The following CADM2 variants were observed in gnomAD, a reference collection of about 807,000 sequenced individuals.
CADM2 encodes immunoglobulin superfamily member 4D.
A neutral mutation model predicts 49.8 loss-of-function variants in CADM2; 12 were observed. That is an observed-to-expected ratio of 0.24 (90% confidence interval 0.15 to 0.39). CADM2 has a LOEUF of 0.39. CADM2 is among the 10% of genes least tolerant of loss of function. The pLI, the probability that CADM2 is intolerant of heterozygous loss-of-function variation, is 1.00. For missense variants in CADM2, 378 were observed against 492.3 expected (o/e 0.77, Z 2.20); for synonymous variants, 214 against 175.4 (o/e 1.22, Z -1.74).
chr3:85,194,768 T>C (rs1358335409), intron 1 of CADM2, among the ~76,000 whole-genome samples: 2 of 151,356 alleles, frequency 1.3e-5, no homozygotes, highest in African/African-American at 2.5e-5. Context: ...CATTCTTACA[T>C]AGATTAAGAA....
intron 1 of CADM2, among the ~76,000 whole-genome samples, chr3:85,716,564 C>T (rs1213051050): frequency 6.6e-6 from 1 of 152,184 alleles, no homozygotes; most frequent in Non-Finnish European, 1.5e-5. Flanking sequence ...GTGTTTTAAT[C>T]ATGAAGTCTT....
intron 1 of CADM2, among the ~76,000 whole-genome samples, chr3:85,608,239 CAT>C (rs1193526876): frequency 6.6e-6 from 1 of 152,074 alleles, no homozygotes; most frequent in African/African-American, 2.4e-5. Context: ...CATATACACT[CAT>C]GTGTTGCAAA....
At chr3:85,110,874 C>A (rs961697362) in intron 1 of CADM2, among the ~76,000 whole-genome samples, 1 of 151,772 alleles carries the variant, frequency 6.6e-6, no homozygotes, top group Non-Finnish European at 1.5e-5. Context: ...CAATCCACAG[C>A]CAAGATTTGT....
chr3:85,261,945 C>T (rs1477167885), intron 1 of CADM2, among the ~76,000 whole-genome samples: 6 of 152,154 alleles, frequency 3.9e-5, no homozygotes, highest in Admixed American at 6.6e-5. Context: ...ATTTTGAAGA[C>T]AATAATCATG....
chr3:85,226,753 T>C (rs2042172045), intron 1 of CADM2, among the ~76,000 whole-genome samples: 1 of 152,200 alleles, frequency 6.6e-6, no homozygotes, highest in Non-Finnish European at 1.5e-5. Flanking sequence ...CTGCTTTATC[T>C]TGTGGGCATT....
At chr3:86,016,557 G>A (rs1228897566) in intron 8 of CADM2, among the ~76,000 whole-genome samples, 57 of 151,940 alleles carry the variant, frequency 3.8e-4, no homozygotes, top group Admixed American at 3.7e-3. Context: ...TTTCCTTTAG[G>A]AAAAAGCTAG....
At chr3:85,371,866 T>C (rs1458147976) in intron 1 of CADM2, among the ~76,000 whole-genome samples, 1 of 151,402 alleles carries the variant, frequency 6.6e-6, no homozygotes, top group East Asian at 1.9e-4. Context: ...GTATGAGTTA[T>C]GGAGTCCTGG....
intron 2 of CADM2, among the ~76,000 whole-genome samples, chr3:85,757,538 C>T (rs1238990422): frequency 6.6e-6 from 1 of 151,642 alleles, no homozygotes; most frequent in Non-Finnish European, 1.5e-5. Context: ...TGAGATGGAG[C>T]ATTTAAAAAA....
chr3:85,673,542 G>C (rs1577062290), intron 1 of CADM2, among the ~76,000 whole-genome samples: 1 of 150,732 alleles, frequency 6.6e-6, no homozygotes, highest in East Asian at 2.0e-4. Flanking sequence ...TTTTATTTAA[G>C]GGGAAGTACC....
intron 3 of CADM2, among the ~76,000 whole-genome samples, chr3:85,859,374 G>C (rs562892642): frequency 6.6e-6 from 1 of 151,846 alleles, no homozygotes; most frequent in South Asian, 2.1e-4. Context: ...AGGACTACAG[G>C]CATGCGTCAC....
At chr3:85,156,645 A>G (rs2040134112) in intron 1 of CADM2, among the ~76,000 whole-genome samples, 2 of 151,958 alleles carry the variant, frequency 1.3e-5, no homozygotes, top group Admixed American at 6.6e-5. Context: ...AGCATCCTTC[A>G]TGCTAAAAAC....
chr3:85,138,049 A>T (rs2039468621), intron 1 of CADM2, among the ~76,000 whole-genome samples: 1 of 152,190 alleles, frequency 6.6e-6, no homozygotes, highest in Admixed American at 6.5e-5. Context: ...CTAATCAGAA[A>T]AAAACAAGAT....
At chr3:85,196,536 G>C (rs1417576381) in intron 1 of CADM2, among the ~76,000 whole-genome samples, 2 of 151,920 alleles carry the variant, frequency 1.3e-5, no homozygotes, top group Non-Finnish European at 2.9e-5. Context: ...GGAGGACATG[G>C]AAAAGTTATA....
At chr3:85,176,093 G>A (rs1054559929) in intron 1 of CADM2, among the ~76,000 whole-genome samples, 2 of 151,950 alleles carry the variant, frequency 1.3e-5, no homozygotes, top group African/African-American at 2.4e-5. Flanking sequence ...GAGGGAAATG[G>A]TCAAGAGGAG....
intron 7 of CADM2, among the ~76,000 whole-genome samples, chr3:85,937,000 T>G (rs1377963332): frequency 6.6e-6 from 1 of 151,880 alleles, no homozygotes; most frequent in African/African-American, 2.4e-5. Context: ...AAGGTGAAGT[T>G]AGGGAATATG....
intron 1 of CADM2, among the ~76,000 whole-genome samples, chr3:85,030,958 G>A (rs1014491539): frequency 1.3e-5 from 2 of 152,184 alleles, no homozygotes; most frequent in East Asian, 1.9e-4. Context: ...GAGAGGTGGG[G>A]ACGATGTAAG....
At chr3:84,989,037 A>T (rs541428760) in intron 1 of CADM2, among the ~76,000 whole-genome samples, 1 of 152,212 alleles carries the variant, frequency 6.6e-6, no homozygotes, top group Non-Finnish European at 1.5e-5. Context: ...TTAAGGTGCC[A>T]TTCATGGCTG....
At chr3:85,112,134 T>A (rs919069892) in intron 1 of CADM2, among the ~76,000 whole-genome samples, 4 of 151,920 alleles carry the variant, frequency 2.6e-5, no homozygotes, top group African/African-American at 9.7e-5. Context: ...AAAAGTGTTG[T>A]TGATGGAAAC....
intron 1 of CADM2, among the ~76,000 whole-genome samples, chr3:85,607,588 A>G (rs1449787631): frequency 6.6e-6 from 1 of 152,134 alleles, no homozygotes; most frequent in Non-Finnish European, 1.5e-5. Flanking sequence ...TGATTATTAC[A>G]CATTATATGT....
Sources: gnomAD v4.1 joint callset for allele counts (sites outside exome capture counted in the v4.1 genomes callset) on GRCh38, gnomAD v4.1.1 for gene constraint, MANE v1.5 for transcripts, NCBI Gene and HGNC (gene_info 2026-07-23, HGNC 2026-07-21) for gene names.